FRMPD2: variants seen among roughly 807,000 people sequenced by gnomAD.
The protein encoded by FRMPD2 is FERM and PDZ domain-containing protein 2.
Under a neutral mutation model 140.1 loss-of-function variants are expected in FRMPD2, and 96 were observed. That is an observed-to-expected ratio of 0.69 (90% CI 0.58 to 0.81). The LOEUF (loss-of-function observed/expected upper bound fraction) is 0.81, where lower values mean the gene tolerates loss of function less well. Among genes scored for constraint, FRMPD2 ranks in the 40% least tolerant of loss-of-function variants. The probability of loss-of-function intolerance (pLI) is 0.00; values close to 1 mark genes in which losing one functional copy is unlikely to be tolerated. For synonymous variants in FRMPD2, 449 were observed against 547.6 expected (o/e 0.82, Z 2.52); for missense variants, 1,240 against 1,447.4 (o/e 0.86, Z 2.32).
chr10:48,200,193 T>TTAAAAAAAA (rs1839051453), intron 15 of FRMPD2, among the ~76,000 whole-genome samples: 1 of 139,344 alleles, frequency 7.2e-6, no homozygotes, highest in Non-Finnish European at 1.6e-5. Context: ...AATAAATAAA[T>TTAAAAAAAA]AAATAAAACA....
chr10:48,189,508 T>C (rs2131844491), intron 16 of FRMPD2, among the ~76,000 whole-genome samples: 1 of 152,300 alleles, frequency 6.6e-6, no homozygotes, highest in Non-Finnish European at 1.5e-5. Context: ...CCTCCTGTGG[T>C]CATATGCCCA....
chr10:48,226,146 G>A (rs564905729), intron 10 of FRMPD2, among the ~76,000 whole-genome samples: 1 of 152,310 alleles, frequency 6.6e-6, no homozygotes, highest in Non-Finnish European at 1.5e-5. Flanking sequence ...GCCCAAGCTT[G>A]TTTTTTCCTT....
intron 1 of FRMPD2, among the ~76,000 whole-genome samples, chr10:48,261,618 G>T (rs114105859): frequency 0.011 from 1,669 of 152,218 alleles, 35 homozygotes; most frequent in African/African-American, 0.038. Flanking sequence ...TGAGTATATT[G>T]GTCACCAGTA....
At chr10:48,187,511 A>G (rs1838717866) in intron 16 of FRMPD2, among the ~76,000 whole-genome samples, 1 of 152,074 alleles carries the variant, frequency 6.6e-6, no homozygotes, top group Non-Finnish European at 1.5e-5. Context: ...TGGCTGTAGG[A>G]TCTTTATGTC....
chr10:48,274,785 C>A (rs1489638433), upstream of FRMPD2: 4 of 566,934 alleles, frequency 7.1e-6, no homozygotes, highest in East Asian at 1.2e-4. Flanking sequence ...GGGTCCTGCG[C>A]AGTCTCTGGC....
Position 48,171,053 on chromosome 10 carries a change from C to T in FRMPD2, c.3379G>A (p.Ala1127Thr). The T allele has an allele frequency of 1.1e-6, 1 of 879,794 alleles. No homozygotes were observed. The highest frequency in any genetic ancestry group is 1.9e-6 in the Non-Finnish European group (1 of 515,804). The allele number at this position is 879,794 out of a possible 1,614,324, so 54.5% of individuals were successfully genotyped here. The part of the protein sequence containing the change: ...GQPAEENGAI[A>T]AGDIILAVNG... ...ACGGCCAGGATAATGTCACCAGCTGCAATGGCCCCATTCTCCTCAGCTGGC... is the reference window on the plus strand; with the variant it reads ...ACGGCCAGGATAATGTCACCAGCTGTAATGGCCCCATTCTCCTCAGCTGGC... The change falls in exon 26 of 29, where the codon GCA (alanine) becomes ACA (threonine). Residue 1127 changes from alanine to threonine, a missense_variant. This residue lies in a region of FRMPD2 where 30 missense variants were observed against 227.5 expected (regional missense o/e 0.13). Transcript: ENST00000374201.
chr10:48,211,535 C>T (rs977426734), intron 13 of FRMPD2, among the ~76,000 whole-genome samples: 1 of 152,068 alleles, frequency 6.6e-6, no homozygotes, highest in South Asian at 2.1e-4. Context: ...GTAGTCCCAG[C>T]ACTTTGGGAG....
chr10:48,174,642 T>TG (rs1838357574), intron 24 of FRMPD2, among the ~76,000 whole-genome samples: 2 of 150,790 alleles, frequency 1.3e-5, no homozygotes, highest in Non-Finnish European at 1.5e-5. Flanking sequence ...AGGCTATCTA[T>TG]GGGGGGTGAG....
intron 7 of FRMPD2, among the ~76,000 whole-genome samples, chr10:48,238,833 C>A (rs987890580): frequency 3.3e-5 from 5 of 152,252 alleles, no homozygotes; most frequent in African/African-American, 1.2e-4. Context: ...TGCAATCCGA[C>A]TTTGCAGCCT....
chr10:48,175,133 C>G (rs1479913633), intron 23 of FRMPD2, 178 bp from the exon 24 acceptor site: 8 of 474,098 alleles, frequency 1.7e-5, no homozygotes, highest in Non-Finnish European at 2.9e-5. Context: ...CAGTCTCACT[C>G]CCTTCTTCTC....
chr10:48,228,619 C>G (rs946121059), intron 10 of FRMPD2, among the ~76,000 whole-genome samples: 3 of 151,814 alleles, frequency 2.0e-5, no homozygotes, highest in Admixed American at 1.3e-4. Flanking sequence ...TTGTAAAAGG[C>G]AGTTTATGAT....
chr10:48,168,791 C>T lies in FRMPD2; in HGVS notation c.3439-98G>A. Reference sequence around the variant, plus strand: ...CGTCCCAGGCACTAGCTCCTCCTCCCTGCACCTTGATCTATTTCTCACTCC... The same window carrying T: ...CGTCCCAGGCACTAGCTCCTCCTCCTTGCACCTTGATCTATTTCTCACTCC... On this transcript the variant is annotated intron_variant, in intron 26 of 28. Transcript: ENST00000374201. 9.6e-6 allele frequency: 4 copies of T among 416,502 alleles called. 1 individual carries two copies. Among genetic ancestry groups the T allele is most frequent in the Non-Finnish European group, 1.9e-5 (4 of 213,968 alleles). 25.8% of individuals were successfully genotyped at this position (416,502 alleles called of 1,614,324 possible).
intron 2 of FRMPD2, 83 bp from the exon 3 acceptor site, chr10:48,249,261 G>A (rs1488181059): frequency 2.1e-5 from 28 of 1,363,936 alleles, no homozygotes; most frequent in Non-Finnish European, 2.5e-5. Flanking sequence ...GCAGGTGCCT[G>A]GCAGTACCCA....
chr10:48,263,474 T>A (rs1840630164), intron 1 of FRMPD2, among the ~76,000 whole-genome samples: 1 of 151,610 alleles, frequency 6.6e-6, no homozygotes, highest in Admixed American at 6.6e-5. Flanking sequence ...AAATCACAAA[T>A]GAAATAAGGG....
At chr10:48,254,181 G>A (rs562935500) in intron 1 of FRMPD2, among the ~76,000 whole-genome samples, 58 of 152,290 alleles carry the variant, frequency 3.8e-4, no homozygotes, top group Middle Eastern at 3.4e-3. Flanking sequence ...ACAGTGTTAC[G>A]GTGGAATGTT....
At chr10:48,263,433 GA>G (rs570653101) in intron 1 of FRMPD2, among the ~76,000 whole-genome samples, 10 of 149,404 alleles carry the variant, frequency 6.7e-5, no homozygotes, top group African/African-American at 2.0e-4. Flanking sequence ...AACCAAGAGA[GA>G]AAAAAAAAGA....
intron 14 of FRMPD2, among the ~76,000 whole-genome samples, chr10:48,205,947 A>G (rs1018717084): frequency 6.6e-6 from 1 of 152,240 alleles, no homozygotes. Flanking sequence ...TGATGTAATT[A>G]GAAAATGTTT....
chr10:48,251,480 A>G, intron 2 of FRMPD2, 86 bp downstream of exon 2: 1 of 1,549,916 alleles, frequency 6.5e-7, no homozygotes, highest in Non-Finnish European at 8.8e-7. Flanking sequence ...TTGATTTAAA[A>G]AAGCAGCAGC....
chr10:48,201,130 A>G (rs916814284), intron 15 of FRMPD2, 98 bp downstream of exon 15: 3 of 856,400 alleles, frequency 3.5e-6, no homozygotes, highest in Non-Finnish European at 5.0e-6. Context: ...TTACAACTCT[A>G]TTAGAGGTCC....
Sources: gnomAD v4.1 joint callset for allele counts (sites outside exome capture counted in the v4.1 genomes callset) on GRCh38, gnomAD v4.1.1 for gene constraint, gnomAD v4.1.1 regional missense constraint, MANE v1.5 for transcripts, NCBI Gene and HGNC (gene_info 2026-07-23, HGNC 2026-07-21) for gene names.